NWD1: variants seen among roughly 807,000 people sequenced by gnomAD.
NWD1 encodes NACHT domain- and WD repeat-containing protein 1.
A neutral mutation model predicts 135.1 loss-of-function variants in NWD1; 129 were observed. That is an observed-to-expected ratio of 0.96 (90% confidence interval 0.83 to 1.11). NWD1 has a LOEUF of 1.11. Among genes scored for constraint, NWD1 ranks in the 50% least tolerant of loss-of-function variants. NWD1 has a pLI of 0.00. For missense variants in NWD1, 1,740 were observed against 1,851.3 expected (o/e 0.94, Z 1.10); for synonymous variants, 773 against 786.0 (o/e 0.98, Z 0.28).
intron 12 of NWD1, among the ~76,000 whole-genome samples, chr19:16,779,955 T>C (rs1396798059): frequency 2.0e-5 from 3 of 152,170 alleles, no homozygotes; most frequent in African/African-American, 7.2e-5. Flanking sequence ...TCACTTCCTG[T>C]GCATTGGCAA....
intron 4 of NWD1, among the ~76,000 whole-genome samples, chr19:16,737,145 GTTTCAGGTCGTGGGGAC>G (rs1166754719): frequency 6.6e-6 from 1 of 152,042 alleles, no homozygotes; most frequent in East Asian, 1.9e-4. Context: ...GTGCCCACTG[GTTTCAGGTCGTGGGGAC>G]TTCTCCCCTC....
At chr19:16,733,520 C>CAAAA (rs11436280) in intron 3 of NWD1, among the ~76,000 whole-genome samples, 2 of 133,362 alleles carry the variant, frequency 1.5e-5, no homozygotes, top group Non-Finnish European at 3.2e-5. Flanking sequence ...GATTCTGTCT[C>CAAAA]AAAAAAAAAA....
chr19:16,808,248 G>T (rs1970818267), intron 18 of NWD1, 112 bp downstream of exon 18: 1 of 1,029,990 alleles, frequency 9.7e-7, no homozygotes, highest in African/African-American at 1.6e-5. Context: ...TGGGACTGGG[G>T]TGATGAAAAT....
chr19:16,773,886 T>C (rs534285390), intron 11 of NWD1, among the ~76,000 whole-genome samples: 2 of 150,032 alleles, frequency 1.3e-5, no homozygotes, highest in East Asian at 4.0e-4. Flanking sequence ...CTTCCATTCA[T>C]CTATCCATCC....
At chr19:16,808,247 G>T in intron 18 of NWD1, 111 bp downstream of exon 18, 1 of 1,038,100 alleles carries the variant, frequency 9.6e-7, no homozygotes, top group Non-Finnish European at 1.4e-6. Flanking sequence ...ATGGGACTGG[G>T]GTGATGAAAA....
chr19:16,738,883 A>G (rs1967966112), intron 4 of NWD1, among the ~76,000 whole-genome samples: 1 of 143,728 alleles, frequency 7.0e-6, no homozygotes, highest in Non-Finnish European at 1.5e-5. Flanking sequence ...TACATTATAT[A>G]TTATATATAT....
chr19:16,808,758 C>T (rs1056801320), intron 18 of NWD1, among the ~76,000 whole-genome samples: 4 of 151,902 alleles, frequency 2.6e-5, no homozygotes, highest in African/African-American at 9.7e-5. Context: ...CAGGCATGAC[C>T]CACCGGACCT....
chr19:16,773,663 C>A (rs1033432615), intron 11 of NWD1, among the ~76,000 whole-genome samples: 15 of 152,162 alleles, frequency 9.9e-5, no homozygotes, highest in African/African-American at 3.4e-4. Context: ...GCCTGACAGT[C>A]CTCTGAGAAG....
intron 10 of NWD1, among the ~76,000 whole-genome samples, chr19:16,772,704 G>A (rs537932089): frequency 2.4e-4 from 36 of 152,070 alleles, no homozygotes; most frequent in African/African-American, 8.2e-4. Flanking sequence ...GTGTGGTGGC[G>A]CATGCCTGTA....
At chr19:16,812,490 G>A (rs1378189613) in intron 18 of NWD1, among the ~76,000 whole-genome samples, 1 of 151,820 alleles carries the variant, frequency 6.6e-6, no homozygotes, top group Non-Finnish European at 1.5e-5. Context: ...CCAACATGGT[G>A]AAACCCCATT....
At chr19:16,803,154 T>A (rs1210372175) in intron 17 of NWD1, among the ~76,000 whole-genome samples, 1 of 152,114 alleles carries the variant, frequency 6.6e-6, no homozygotes, top group East Asian at 1.9e-4. Context: ...CTCATGAGAC[T>A]TATTCGCTAC....
chr19:16,813,095 C>T (rs1036604856), intron 18 of NWD1, among the ~76,000 whole-genome samples: 4 of 152,184 alleles, frequency 2.6e-5, no homozygotes, highest in Admixed American at 2.6e-4. Flanking sequence ...TGCATACAGC[C>T]ATCCTTCCGA....
intron 8 of NWD1, among the ~76,000 whole-genome samples, chr19:16,762,725 G>C (rs183496751): frequency 2.0e-5 from 3 of 152,184 alleles, no homozygotes; most frequent in Non-Finnish European, 4.4e-5. Flanking sequence ...GGGGAGGCTG[G>C]AGGCAGGACC....
intron 10 of NWD1, among the ~76,000 whole-genome samples, chr19:16,771,580 C>T (rs1454036095): frequency 6.6e-6 from 1 of 152,144 alleles, no homozygotes; most frequent in African/African-American, 2.4e-5. Flanking sequence ...AGCAACTTCC[C>T]AGGAAAACAG....
chr19:16,779,776 A>G (rs1037709127), intron 12 of NWD1, among the ~76,000 whole-genome samples: 5 of 152,058 alleles, frequency 3.3e-5, no homozygotes, highest in African/African-American at 9.7e-5. Flanking sequence ...AGCTGGGACT[A>G]CAAGCACATA....
intron 14 of NWD1, among the ~76,000 whole-genome samples, chr19:16,793,071 AG>A (rs1970302692): frequency 6.9e-6 from 1 of 145,592 alleles, no homozygotes; most frequent in Non-Finnish European, 1.5e-5. Context: ...AAAAAAAAAA[AG>A]AAAAGAAAAG....
At position 16,797,849 on chromosome 19, in the gene NWD1, A is replaced by T. The variant is rs769952019; in HGVS notation, c.3422A>T (p.Asn1141Ile). Residue 1141 changes from asparagine to isoleucine, a missense_variant, in exon 16 of 19, where the codon AAC (asparagine) becomes ATC (isoleucine). Transcript: ENST00000524140. ...ACGGCTGTTTTTGGTACTGAGAACA[A>T]CCTGATCATCACGGGGTCCCTTGAT... is the stretch of plus-strand genomic sequence containing the variant. ...VETAVFGTEN[N>I]LIITGSLDAL... is the part of the protein sequence containing the mutation. The T allele has an allele frequency of 1.2e-6, 2 of 1,614,112 alleles. No homozygotes were observed. The highest frequency in any genetic ancestry group is 2.2e-5 in the South Asian group (2 of 91,084).
intron 11 of NWD1, among the ~76,000 whole-genome samples, chr19:16,776,836 G>C (rs1315876889): frequency 1.4e-5 from 2 of 146,600 alleles, no homozygotes; most frequent in Non-Finnish European, 3.0e-5. Context: ...CAGCTACTCA[G>C]GAGGCTAAGA....
At position 16,742,881 on chromosome 19, in the gene NWD1, C is replaced by CTATTAT. The variant is rs34646876; in HGVS notation, c.199-1502_199-1497dup. Reference sequence around the variant, plus strand: ...TAGAGACAGGGTCTCACTATGTTGCCTATTATTATTATTATTATTATTATT... The same window carrying CTATTAT: ...TAGAGACAGGGTCTCACTATGTTGCCTATTATTATTATTATTATTATTATTATTATT... On this transcript the variant is annotated intron_variant, in intron 4 of 18. Transcript: ENST00000524140. 5.1e-3 allele frequency among the ~76,000 whole-genome samples: 673 copies of CTATTAT among 132,926 alleles called. 2 individuals carry two copies. Among genetic ancestry groups the CTATTAT allele is most frequent in the African/African-American group, 5.8e-3 (206 of 35,578 alleles). 87.2% of individuals were successfully genotyped at this position (132,926 alleles called of 152,430 possible).
Sources: allele counts gnomAD v4.1 joint callset (sites outside exome capture counted in the v4.1 genomes callset), GRCh38; gene constraint gnomAD v4.1.1; transcripts MANE v1.5; gene names NCBI Gene and HGNC (gene_info 2026-07-23, HGNC 2026-07-21).